Variants in CD2AP observed in about 807,000 individuals in gnomAD.
CD2AP encodes the protein CD2-associated protein.
In CD2AP, 46 loss-of-function variants were observed where a neutral mutation model predicts 85.1. The observed-to-expected ratio is 0.54, with a 90% CI of 0.43 to 0.69. The LOEUF is 0.69. Ranked by LOEUF, CD2AP falls within the 30% of genes least tolerant of loss-of-function variation. The probability of loss-of-function intolerance (pLI) is 0.00; values close to 1 mark genes in which losing one functional copy is unlikely to be tolerated. For missense variants in CD2AP, 769 were observed against 729.5 expected, an observed-to-expected ratio of 1.05 and a Z score of -0.62; for synonymous variants, 255 against 252.9, an observed-to-expected ratio of 1.01 and a Z score of -0.08.
chr6:47,518,590 G>A (rs906967969), intron 2 of CD2AP, among the ~76,000 whole-genome samples: 1 of 152,152 alleles, frequency 6.6e-6, no homozygotes, highest in African/African-American at 2.4e-5. Flanking sequence ...AATATCAGGG[G>A]TAAAGCTGTC....
chr6:47,557,456 T>G (rs1337990599), intron 5 of CD2AP, among the ~76,000 whole-genome samples: 1 of 152,242 alleles, frequency 6.6e-6, no homozygotes, highest in African/African-American at 2.4e-5. Flanking sequence ...TTTATGGTTT[T>G]AGGTCTTACG....
At chr6:47,590,376 G>A (rs1768760623) in intron 11 of CD2AP, among the ~76,000 whole-genome samples, 1 of 151,898 alleles carries the variant, frequency 6.6e-6, no homozygotes, top group Non-Finnish European at 1.5e-5. Flanking sequence ...ATATATGTGT[G>A]TATATTTTTA....
At chr6:47,538,507 A>G (rs888610432) in intron 3 of CD2AP, among the ~76,000 whole-genome samples, 7 of 152,154 alleles carry the variant, frequency 4.6e-5, no homozygotes, top group Non-Finnish European at 1.0e-4. Context: ...CGGCCTCCCA[A>G]AGTGCTGGGA....
chr6:47,600,959 A>T (rs1435023345), intron 13 of CD2AP, among the ~76,000 whole-genome samples: 1 of 151,900 alleles, frequency 6.6e-6, no homozygotes, highest in East Asian at 1.9e-4. Context: ...TCCCTTTGGG[A>T]ATTGAAGGAG....
At chr6:47,491,241 T>C (rs1388123349) in intron 1 of CD2AP, among the ~76,000 whole-genome samples, 3 of 148,428 alleles carry the variant, frequency 2.0e-5, no homozygotes, top group African/African-American at 7.5e-5. Context: ...TAAATACATA[T>C]ATTTCTTTCT....
At chr6:47,487,506 C>T (rs1417968636) in intron 1 of CD2AP, among the ~76,000 whole-genome samples, 3 of 152,096 alleles carry the variant, frequency 2.0e-5, no homozygotes, top group Non-Finnish European at 2.9e-5. Context: ...CTGGCTAACA[C>T]GGAGAAACCC....
chr6:47,533,448 C>T (rs1048475902), intron 2 of CD2AP, among the ~76,000 whole-genome samples, 154 bp from the exon 3 acceptor site: 1 of 152,038 alleles, frequency 6.6e-6, no homozygotes, highest in Non-Finnish European at 1.5e-5. Context: ...GTGTTTTATT[C>T]TTCAGATATG....
intron 1 of CD2AP, among the ~76,000 whole-genome samples, chr6:47,492,438 A>T (rs1452133042): frequency 7.0e-6 from 1 of 143,388 alleles, no homozygotes; most frequent in Admixed American, 7.6e-5. Context: ...CTGCAACCTC[A>T]AACTCCTGGG....
At chr6:47,623,760 A>G (rs967745459) in intron 17 of CD2AP, among the ~76,000 whole-genome samples, 3 of 152,142 alleles carry the variant, frequency 2.0e-5, no homozygotes, top group Admixed American at 2.0e-4. Flanking sequence ...TTATAATTAT[A>G]ATTAAGTATA....
chr6:47,613,181 C>G (rs1254212660), intron 17 of CD2AP, among the ~76,000 whole-genome samples: 1 of 152,148 alleles, frequency 6.6e-6, no homozygotes, highest in Non-Finnish European at 1.5e-5. Context: ...TTGGAATCAT[C>G]TTCCAAAATA....
chr6:47,556,596 G>T (rs549763349), intron 5 of CD2AP, among the ~76,000 whole-genome samples: 1 of 152,088 alleles, frequency 6.6e-6, no homozygotes, highest in Admixed American at 6.5e-5. Context: ...TGATCCACAC[G>T]CCTCGGCCTC....
At chr6:47,562,373 A>G (rs1310094474) in intron 5 of CD2AP, among the ~76,000 whole-genome samples, 1 of 152,206 alleles carries the variant, frequency 6.6e-6, no homozygotes, top group Non-Finnish European at 1.5e-5. Flanking sequence ...TAATTGTTCT[A>G]CAAAGTAGAC....
At chr6:47,613,927 T>C (rs943112988) in intron 17 of CD2AP, among the ~76,000 whole-genome samples, 4 of 152,228 alleles carry the variant, frequency 2.6e-5, no homozygotes, top group Non-Finnish European at 1.5e-5. Flanking sequence ...TCCACTTTTA[T>C]GTCATGGAGA....
chr6:47,626,091 G>C lies in CD2AP; in HGVS notation c.*1864G>C, dbSNP rs1769899175. ...TGAAAATCTATTGAAGTGATCCCTG[G>C]TCATCCTAATAATGGGATGAGGGAA... On this transcript the variant is annotated 3_prime_UTR_variant, in exon 18 of 18. Transcript: ENST00000359314. The C allele has an allele frequency of 6.6e-6, 1 of 151,858 alleles. No individual in the cohort carries two copies. Among genetic ancestry groups the C allele is most frequent in the Admixed American group, 6.6e-5 (1 of 15,260 alleles). The allele number at this position is 151,858 out of a possible 1,614,324, so 9.4% of individuals were successfully genotyped here. A position where few individuals can be genotyped will look rare whatever the true frequency, so the allele number is the denominator to read the frequency against.
chr6:47,581,740 G>C (rs2114107912), intron 10 of CD2AP, among the ~76,000 whole-genome samples: 1 of 152,330 alleles, frequency 6.6e-6, no homozygotes, highest in Middle Eastern at 3.4e-3. Flanking sequence ...CATCACCACA[G>C]CTCTTCCATA....
At chr6:47,514,992 C>T (rs185082814) in intron 2 of CD2AP, among the ~76,000 whole-genome samples, 10 of 150,996 alleles carry the variant, frequency 6.6e-5, no homozygotes, top group Admixed American at 4.6e-4. Context: ...GCGGAGGTTG[C>T]AGTGAGCCAA....
At chr6:47,598,903 A>T (rs1769026506) in intron 12 of CD2AP, among the ~76,000 whole-genome samples, 2 of 150,714 alleles carry the variant, frequency 1.3e-5, no homozygotes, top group South Asian at 4.2e-4. Context: ...ACCTGTTGAA[A>T]TAAAAAATAA....
At chr6:47,525,751 C>CT (rs1766704400) in intron 2 of CD2AP, among the ~76,000 whole-genome samples, 1 of 152,096 alleles carries the variant, frequency 6.6e-6, no homozygotes, top group Non-Finnish European at 1.5e-5. Flanking sequence ...TTTTTATCCT[C>CT]TTGTTGTACT....
chr6:47,545,622 C>T (rs1394662717), intron 4 of CD2AP, among the ~76,000 whole-genome samples: 9 of 152,186 alleles, frequency 5.9e-5, no homozygotes, highest in Non-Finnish European at 1.5e-5. Context: ...CCGCTGGTCC[C>T]AACCACCACT....
Sources: allele counts gnomAD v4.1 joint callset (sites outside exome capture counted in the v4.1 genomes callset), GRCh38; gene constraint gnomAD v4.1.1; transcripts MANE v1.5; gene names NCBI Gene and HGNC (gene_info 2026-07-23, HGNC 2026-07-21).